LRRTM4: variants seen among roughly 807,000 people sequenced by gnomAD.
LRRTM4 encodes the protein leucine-rich repeat transmembrane neuronal protein 4.
A neutral mutation model predicts 47.6 loss-of-function variants in LRRTM4; 25 were observed. That is an observed-to-expected ratio of 0.53 (90% CI 0.38 to 0.73). LRRTM4 has a LOEUF of 0.73. Ranked by LOEUF, LRRTM4 falls within the 30% of genes least tolerant of loss-of-function variation. LRRTM4 has a pLI of 0.00. For missense variants in LRRTM4, 638 were observed against 713.4 expected (o/e 0.89, Z 1.20); for synonymous variants, 311 against 269.5 (o/e 1.15, Z -1.51).
chr2:77,360,151 C>T (rs1273331502), intron 3 of LRRTM4, among the ~76,000 whole-genome samples: 1 of 151,956 alleles, frequency 6.6e-6, no homozygotes, highest in Non-Finnish European at 1.5e-5. Context: ...AGTTGAATGC[C>T]ACCCAATAAT....
chr2:76,833,458 C>A (rs1234821551), intron 3 of LRRTM4, among the ~76,000 whole-genome samples: 2 of 152,048 alleles, frequency 1.3e-5, no homozygotes, highest in Admixed American at 6.6e-5. Context: ...ATAAGCCGTC[C>A]TAATATACAA....
At chr2:77,015,170 C>G (rs1412994836) in intron 3 of LRRTM4, among the ~76,000 whole-genome samples, 2 of 152,062 alleles carry the variant, frequency 1.3e-5, no homozygotes, top group African/African-American at 2.4e-5. Context: ...ATCCACAGTT[C>G]CAGTCAACCC....
At chr2:77,452,116 T>C (rs1345045030) in intron 3 of LRRTM4, among the ~76,000 whole-genome samples, 1 of 152,084 alleles carries the variant, frequency 6.6e-6, no homozygotes, top group Non-Finnish European at 1.5e-5. Context: ...TGGAAAGCCA[T>C]CAAAGGTTTT....
chr2:77,276,535 C>T (rs10209662), intron 3 of LRRTM4, among the ~76,000 whole-genome samples: 30,430 of 149,782 alleles, frequency 0.2, 8,205 homozygotes, highest in African/African-American at 0.62. Flanking sequence ...TAGATATAGG[C>T]TTTGATTTCC....
At chr2:76,953,737 T>A (rs1675572993) in intron 3 of LRRTM4, among the ~76,000 whole-genome samples, 1 of 151,878 alleles carries the variant, frequency 6.6e-6, no homozygotes, top group Non-Finnish European at 1.5e-5. Context: ...GGCTTCTCTC[T>A]TGGGAGGGAA....
chr2:77,018,290 T>C (rs1237726163), intron 3 of LRRTM4, among the ~76,000 whole-genome samples: 2 of 150,770 alleles, frequency 1.3e-5, no homozygotes, highest in Non-Finnish European at 3.0e-5. Context: ...CTTTGTTCTT[T>C]ATCTGACTGT....
intron 3 of LRRTM4, among the ~76,000 whole-genome samples, chr2:76,914,738 T>C (rs1674187100): frequency 6.6e-6 from 1 of 152,200 alleles, no homozygotes; most frequent in Non-Finnish European, 1.5e-5. Flanking sequence ...CTCAAATTTA[T>C]TTGACCTAAA....
chr2:76,932,115 T>C (rs1451270293), intron 3 of LRRTM4, among the ~76,000 whole-genome samples: 1 of 152,156 alleles, frequency 6.6e-6, no homozygotes, highest in African/African-American at 2.4e-5. Context: ...TTCCTCCTTG[T>C]ATTGTTTATT....
intron 3 of LRRTM4, among the ~76,000 whole-genome samples, chr2:77,336,051 C>T (rs142054661): frequency 1.4e-4 from 21 of 150,684 alleles, no homozygotes; most frequent in African/African-American, 5.1e-4. Flanking sequence ...AACTACTGAT[C>T]CAGTAGTTTT....
At chr2:76,914,418 G>C (rs1674175453) in intron 3 of LRRTM4, among the ~76,000 whole-genome samples, 1 of 151,844 alleles carries the variant, frequency 6.6e-6, no homozygotes. Context: ...TTTATATTTG[G>C]GGTTGATTTT....
intron 3 of LRRTM4, among the ~76,000 whole-genome samples, chr2:77,186,671 A>G (rs568709697): frequency 2.0e-5 from 3 of 152,292 alleles, no homozygotes; most frequent in Non-Finnish European, 4.4e-5. Flanking sequence ...ATGAAAACGT[A>G]TTGGCATGAA....
chr2:77,376,410 GA>G (rs1251639644), intron 3 of LRRTM4, among the ~76,000 whole-genome samples: 4 of 150,484 alleles, frequency 2.7e-5, no homozygotes, highest in African/African-American at 7.4e-5. Flanking sequence ...GATTTCACAA[GA>G]TTTTTTTTTT....
intron 3 of LRRTM4, among the ~76,000 whole-genome samples, chr2:77,273,390 T>C (rs1229360743): frequency 6.6e-6 from 1 of 152,314 alleles, no homozygotes; most frequent in East Asian, 1.9e-4. Context: ...ATTACCTTAA[T>C]TTTTAATCAC....
At chr2:76,849,532 G>C (rs1224541178) in intron 3 of LRRTM4, among the ~76,000 whole-genome samples, 1 of 151,494 alleles carries the variant, frequency 6.6e-6, no homozygotes, top group Admixed American at 6.6e-5. Flanking sequence ...GAATAATGAT[G>C]GGAAAAAGAC....
At chr2:77,033,771 C>T (rs1296279717) in intron 3 of LRRTM4, among the ~76,000 whole-genome samples, 1 of 151,652 alleles carries the variant, frequency 6.6e-6, no homozygotes, top group Middle Eastern at 3.2e-3. Context: ...ATATATGTGG[C>T]TTGTTTGTCT....
chr2:77,023,241 C>T (rs186648777), intron 3 of LRRTM4, among the ~76,000 whole-genome samples: 4 of 152,328 alleles, frequency 2.6e-5, no homozygotes, highest in African/African-American at 7.2e-5. Context: ...CTAGACTGCA[C>T]ACAGCACAGG....
intron 3 of LRRTM4, among the ~76,000 whole-genome samples, chr2:77,394,409 T>C (rs1158787467): frequency 2.0e-5 from 3 of 151,964 alleles, no homozygotes; most frequent in Admixed American, 1.3e-4. Flanking sequence ...ATTTCTGAGA[T>C]GATGCTATTC....
chr2:76,928,479 T>G (rs1674661711), intron 3 of LRRTM4, among the ~76,000 whole-genome samples: 1 of 152,094 alleles, frequency 6.6e-6, no homozygotes, highest in African/African-American at 2.4e-5. Flanking sequence ...GGAGGAGCTT[T>G]GAGGATTTTT....
At chr2:77,140,499 T>C (rs1347150784) in intron 3 of LRRTM4, among the ~76,000 whole-genome samples, 11 of 152,294 alleles carry the variant, frequency 7.2e-5, no homozygotes, top group South Asian at 6.2e-4. Flanking sequence ...GACTTACATG[T>C]TACACCTAAA....
Sources: gnomAD v4.1 joint callset for allele counts (sites outside exome capture counted in the v4.1 genomes callset) on GRCh38, gnomAD v4.1.1 for gene constraint, MANE v1.5 for transcripts, NCBI Gene and HGNC (gene_info 2026-07-23, HGNC 2026-07-21) for gene names.